The following STK3 variants were observed in gnomAD, a reference collection of about 807,000 sequenced individuals.
STK3 encodes serine/threonine kinase 3, also known as serine/threonine-protein kinase 3.
STK3 carries 41 observed loss-of-function variants against 58.0 expected under a neutral mutation model. The observed-to-expected ratio is 0.71, with a 90% CI of 0.55 to 0.92. The LOEUF (loss-of-function observed/expected upper bound fraction) is 0.92. Among genes scored for constraint, STK3 ranks in the 40% least tolerant of loss-of-function variants. The pLI is 0.00. For synonymous variants in STK3, 170 were observed against 191.0 expected, an observed-to-expected ratio of 0.89 and a Z score of 0.91; for missense variants, 479 against 602.7, an observed-to-expected ratio of 0.79 and a Z score of 2.15.
At chr8:98,670,352 G>A (rs1390213633) in intron 6 of STK3, among the ~76,000 whole-genome samples, 1 of 151,902 alleles carries the variant, frequency 6.6e-6, no homozygotes, top group African/African-American at 2.4e-5. Context: ...ACAGAGTGGG[G>A]CCTCATCTCA....
intron 1 of STK3, among the ~76,000 whole-genome samples, chr8:98,788,493 C>T (rs905993848): frequency 4.0e-5 from 6 of 151,592 alleles, no homozygotes; most frequent in South Asian, 2.1e-4. Context: ...AATTGCAGAA[C>T]GGATAAGAAT....
At chr8:98,866,210 C>T (rs540943889) in intron 3 of STK3, among the ~76,000 whole-genome samples, 1 of 152,314 alleles carries the variant, frequency 6.6e-6, no homozygotes, top group South Asian at 2.1e-4. Context: ...TTGGAATCTG[C>T]AAACTGAGTG....
chr8:98,862,013 G>T, intron 3 of STK3, among the ~76,000 whole-genome samples: 1 of 152,324 alleles, frequency 6.6e-6, no homozygotes, highest in Admixed American at 6.5e-5. Context: ...ATGTGCAGGG[G>T]TCTTTTTTCC....
chr8:98,796,206 A>G (rs965013952), intron 1 of STK3, among the ~76,000 whole-genome samples: 5 of 152,204 alleles, frequency 3.3e-5, no homozygotes, highest in Non-Finnish European at 7.3e-5. Context: ...AGTAAAAAGG[A>G]CAAAGTCAGA....
chr8:98,694,101 T>C (rs1444068731), intron 6 of STK3, among the ~76,000 whole-genome samples: 1 of 152,220 alleles, frequency 6.6e-6, no homozygotes, highest in East Asian at 1.9e-4. Flanking sequence ...CATGTCTGTT[T>C]TTACGCTGCC....
At chr8:98,666,435 T>C (rs1822374783) in intron 6 of STK3, among the ~76,000 whole-genome samples, 1 of 152,194 alleles carries the variant, frequency 6.6e-6, no homozygotes, top group Non-Finnish European at 1.5e-5. Context: ...CTCTGTTAGT[T>C]CTATATACAG....
rs138745587 is a variant in STK3 at position 98,607,025 on chromosome 8, G to A, written c.685-10856C>T. Among the ~76,000 whole-genome samples the A allele has an allele frequency of 3.7e-4, 56 of 152,264 alleles. No individual in the cohort carries two copies. In the East Asian group the frequency reaches 0.011, roughly 29 times the overall value. ...ATGCCCTTGAACTTGTGGGGTCTGA[G>A]CTAACTCTGGATGGTTAGCAGTAGA... is the stretch of plus-strand genomic sequence containing the variant. On this transcript the variant is annotated intron_variant, in intron 6 of 10. Coordinates refer to ENST00000419617, the MANE Select transcript of STK3 (RefSeq NM_006281.4).
At chr8:98,488,033 T>C in intron 10 of STK3, among the ~76,000 whole-genome samples, 1 of 152,220 alleles carries the variant, frequency 6.6e-6, no homozygotes, top group South Asian at 2.1e-4. Flanking sequence ...AGTTTCTCTA[T>C]ACACATTAAG....
At chr8:98,905,065 G>C in intron 1 of STK3, 1 of 1,073,830 alleles carries the variant, frequency 9.3e-7, no homozygotes. Flanking sequence ...ATGGTGTAAG[G>C]CGTGTGAACT....
chr8:98,511,827 C>T (rs1824537883), intron 10 of STK3, among the ~76,000 whole-genome samples: 1 of 151,844 alleles, frequency 6.6e-6, no homozygotes, highest in Non-Finnish European at 1.5e-5. Context: ...CCTTAAATTA[C>T]AAAATAAAGG....
At chr8:98,361,272 C>T in the STK3 span, among the ~76,000 whole-genome samples, 2 of 152,038 alleles carry the variant, frequency 1.3e-5, no homozygotes, top group African/African-American at 4.8e-5. Context: ...CTCCTGCCCA[C>T]GGTGCCAGAG....
At position 98,872,119 on chromosome 8, in the gene STK3, G is replaced by C. The variant is rs148187371; in HGVS notation, c.110+11528C>G. ...AGATAATCATGTGGTTTTTGTCTTT[G>C]GTTCTGTTTATATGATGGATTACGT... On this transcript the variant is annotated intron_variant, in intron 3 of 12. Transcript: ENST00000523601. 6.2e-3 allele frequency among the ~76,000 whole-genome samples: 951 copies of C among 152,192 alleles called. 15 individuals carry two copies. The highest frequency in any genetic ancestry group is 0.022 in the African/African-American group (915 of 41,512).
intron 3 of STK3, among the ~76,000 whole-genome samples, chr8:98,865,030 T>A (rs966730437): frequency 6.6e-6 from 1 of 152,164 alleles, no homozygotes; most frequent in Non-Finnish European, 1.5e-5. Context: ...CACACCTAGA[T>A]GACAGGAAGG....
chr8:98,422,275 TAA>T, intron 3 of STK3, among the ~76,000 whole-genome samples: 1 of 152,180 alleles, frequency 6.6e-6, no homozygotes, highest in Non-Finnish European at 1.5e-5. Flanking sequence ...GCAAAACTTC[TAA>T]AATCCTTTGT....
chr8:98,646,313 C>T (rs1448358947), intron 6 of STK3, among the ~76,000 whole-genome samples: 5 of 152,176 alleles, frequency 3.3e-5, no homozygotes, highest in African/African-American at 1.2e-4. Context: ...TTGTACTTGA[C>T]CTAGTTCCCA....
intron 3 of STK3, among the ~76,000 whole-genome samples, chr8:98,843,141 A>G (rs1177330036): frequency 6.6e-6 from 1 of 151,968 alleles, no homozygotes; most frequent in African/African-American, 2.4e-5. Context: ...TGATAAAGTG[A>G]CATTTTACAT....
At chr8:98,575,342 GT>G (rs71572017) in intron 8 of STK3, among the ~76,000 whole-genome samples, 130 of 143,180 alleles carry the variant, frequency 9.1e-4, no homozygotes, top group Non-Finnish European at 8.4e-4. Context: ...CTAGTGACTT[GT>G]TTTTTTTTTT....
intron 1 of STK3, among the ~76,000 whole-genome samples, chr8:98,446,378 T>C (rs151027939): frequency 5.8e-4 from 89 of 152,344 alleles, no homozygotes; most frequent in African/African-American, 1.9e-3. Context: ...TGGTGCTTAA[T>C]AGATGCTTGT....
rs935224148 is a variant in STK3, at chr8:98,755,303, G to A, written c.237-5913C>T. Among the ~76,000 whole-genome samples the A allele has an allele frequency of 5.9e-5, 9 of 152,104 alleles. No individual in the cohort carries two copies. In the South Asian group the frequency reaches 8.3e-4, roughly 14 times the overall value. On this transcript the variant is annotated intron_variant, in intron 3 of 10. Transcript: ENST00000419617. ...CATTCACAATTTGGACCCTCATACC[G>A]AATACACTAGCATGAATATACAGGA...
Sources: allele counts gnomAD v4.1 joint callset (sites outside exome capture counted in the v4.1 genomes callset), GRCh38; gene constraint gnomAD v4.1.1; transcripts MANE v1.5; gene names NCBI Gene and HGNC (gene_info 2026-07-23, HGNC 2026-07-21).